The following ZFHX3 variants were observed in gnomAD, a reference collection of about 807,000 sequenced individuals.
ZFHX3 encodes zinc finger homeobox 3, also known as zinc finger homeobox protein 3.
Under a neutral mutation model 279.1 loss-of-function variants are expected in ZFHX3, and 42 were observed. That is an observed-to-expected ratio of 0.15 (90% CI 0.12 to 0.19). The LOEUF (loss-of-function observed/expected upper bound fraction) is 0.19. Ranked by LOEUF, ZFHX3 falls within the 10% of genes least tolerant of loss-of-function variation. The probability of loss-of-function intolerance (pLI) is 1.00; values close to 1 mark genes in which losing one functional copy is unlikely to be tolerated. For missense variants in ZFHX3, 4,981 were observed against 4,754.0 expected (o/e 1.05, Z -1.40); for synonymous variants, 2,293 against 1,957.8 (o/e 1.17, Z -4.52).
At chr16:73,084,302 T>C (rs1965983637) in intron 8 of ZFHX3, among the ~76,000 whole-genome samples, 3 of 152,140 alleles carry the variant, frequency 2.0e-5, no homozygotes, top group Non-Finnish European at 2.9e-5. Context: ...GAAGTCAAAT[T>C]ATTACTGTTT....
chr16:73,478,264 C>CAAAAAAAA lies in ZFHX3; in HGVS notation c.-1546-22014_-1546-22007dup, dbSNP rs1162656010. ...CTGGTGACAGAGCGAGACTCCATCT[C>CAAAAAAAA]AAAAAAAAAAAAAAAAAAAAAGTCA... On this transcript the variant is annotated intron_variant, in intron 2 of 17. Coordinates refer to the ZFHX3 transcript ENST00000641206. Among the ~76,000 whole-genome samples, 110 of 61,576 alleles carry CAAAAAAAA rather than the reference C, an allele frequency of 1.8e-3. 3 individuals carry two copies. The highest frequency in any genetic ancestry group is 6.2e-3 in the African/African-American group (104 of 16,730). The allele number at this position is 61,576 out of a possible 152,430, so 40.4% of individuals were successfully genotyped here.
At chr16:73,544,627 C>T (rs535663791) in intron 2 of ZFHX3, among the ~76,000 whole-genome samples, 1 of 152,184 alleles carries the variant, frequency 6.6e-6, no homozygotes, top group African/African-American at 2.4e-5. Context: ...GGGATGTTGA[C>T]GATCCAGCCA....
chr16:72,860,793 C>A (rs1432503512), intron 4 of ZFHX3, among the ~76,000 whole-genome samples: 1 of 152,200 alleles, frequency 6.6e-6, no homozygotes, highest in Non-Finnish European at 1.5e-5. Context: ...TCACAGAACA[C>A]AACACCTCAG....
chr16:73,473,853 C>G (rs963174971), intron 2 of ZFHX3, among the ~76,000 whole-genome samples: 1 of 152,252 alleles, frequency 6.6e-6, no homozygotes, highest in African/African-American at 2.4e-5. Context: ...TGAATAAAAA[C>G]AAATGTTTCT....
chr16:73,001,222 C>T (rs999858791), intron 1 of ZFHX3, among the ~76,000 whole-genome samples: 30 of 152,204 alleles, frequency 2.0e-4, no homozygotes, highest in Non-Finnish European at 2.6e-4. Context: ...GTGAGACCCA[C>T]ATGGCAAAGA....
In ZFHX3 at chr16:73,364,255, G is replaced by A. The variant is rs116421470; in HGVS notation, c.-1290-45919C>T. The stretch of plus-strand genomic sequence containing the variant: ...CCATAACAAATGCCGTCTCATCCTG[G>A]TACAGGTATTTTCTTGCCTGTGATT... On this transcript the variant is annotated intron_variant, in intron 3 of 17. Coordinates refer to the ZFHX3 transcript ENST00000641206. Among the ~76,000 whole-genome samples, 896 of 151,492 alleles carry A rather than the reference G, an allele frequency of 5.9e-3. 8 individuals carry two copies. The highest frequency in any genetic ancestry group is 0.02 in the African/African-American group (833 of 41,314).
intron 2 of ZFHX3, among the ~76,000 whole-genome samples, chr16:73,470,542 G>A (rs1162797049): frequency 6.6e-6 from 1 of 152,082 alleles, no homozygotes; most frequent in African/African-American, 2.4e-5. Context: ...TAATGTCATC[G>A]AGAAAACAGT....
intron 5 of ZFHX3, among the ~76,000 whole-genome samples, chr16:73,247,128 G>A (rs1356194789): frequency 6.6e-6 from 1 of 151,992 alleles, no homozygotes; most frequent in Non-Finnish European, 1.5e-5. Flanking sequence ...GTGCCTGTAT[G>A]TGGAGTGTGT....
At chr16:72,987,989 T>A (rs933844824) in intron 1 of ZFHX3, among the ~76,000 whole-genome samples, 9 of 152,168 alleles carry the variant, frequency 5.9e-5, no homozygotes, top group Non-Finnish European at 1.2e-4. Context: ...AAAGAAAGTT[T>A]AATATTATAT....
rs1459697609 is a variant in ZFHX3 at position 72,794,222 on chromosome 16, T to A, written c.8460A>T (p.Ser2820=). 6.2e-7 allele frequency: 1 copy of A among 1,614,086 alleles called. No homozygotes were observed. The highest frequency in any genetic ancestry group is 8.5e-7 in the Non-Finnish European group (1 of 1,180,056). The change falls in exon 9 of 10, where the codon TCA becomes TCT. Residue 2820 remains serine, a synonymous_variant. Transcript: ENST00000268489. The surrounding 1 kb of genome is among the most constrained non-coding windows in gnomAD (Gnocchi z 4.2). Reference sequence around the variant, plus strand: ...TAGTTTGGTCAAAGTTTAGATTAACTGAGGACATGGAGGGGCTTTCAAAGT... The same window carrying A: ...TAGTTTGGTCAAAGTTTAGATTAACAGAGGACATGGAGGGGCTTTCAAAGT... ...IEDFESPSMS[S]VNLNFDQTKL... is the part of the protein sequence containing the mutation.
At chr16:73,657,700 T>C (rs1231063141) in intron 2 of ZFHX3, among the ~76,000 whole-genome samples, 1 of 152,164 alleles carries the variant, frequency 6.6e-6, no homozygotes, top group Non-Finnish European at 1.5e-5. Flanking sequence ...TGAAAGCATA[T>C]GACACGTGGT....
intron 3 of ZFHX3, among the ~76,000 whole-genome samples, chr16:73,319,863 C>A (rs2015537797): frequency 6.6e-6 from 1 of 152,176 alleles, no homozygotes; most frequent in South Asian, 2.1e-4. Flanking sequence ...AAGGTCCAGT[C>A]CTCAGACTGG....
intron 7 of ZFHX3, among the ~76,000 whole-genome samples, chr16:72,802,321 T>C (rs1221519527): frequency 6.6e-6 from 1 of 152,162 alleles, no homozygotes; most frequent in African/African-American, 2.4e-5. Flanking sequence ...GTTGTCTCGC[T>C]GCGACTTTAA....
At chr16:73,107,844 G>A (rs548020395) in intron 7 of ZFHX3, among the ~76,000 whole-genome samples, 65 of 152,292 alleles carry the variant, frequency 4.3e-4, no homozygotes, top group South Asian at 1.5e-3. Flanking sequence ...GTGAGACTTC[G>A]TCTCTACAGA....
chr16:73,653,565 A>G (rs1249350331), intron 2 of ZFHX3, among the ~76,000 whole-genome samples: 1 of 152,210 alleles, frequency 6.6e-6, no homozygotes, highest in Non-Finnish European at 1.5e-5. Flanking sequence ...TACATATAAA[A>G]ACTTGTGAGA....
chr16:73,205,152 G>C (rs113191092), intron 5 of ZFHX3, among the ~76,000 whole-genome samples: 1 of 152,062 alleles, frequency 6.6e-6, no homozygotes, highest in African/African-American at 2.4e-5. Flanking sequence ...TTGAGTGAAG[G>C]GCTGAGTCCC....
intron 1 of ZFHX3, among the ~76,000 whole-genome samples, chr16:73,692,576 G>A (rs1199647538): frequency 6.6e-6 from 1 of 152,164 alleles, no homozygotes; most frequent in Non-Finnish European, 1.5e-5. Context: ...TTAACTGCAA[G>A]AATTACTCTT....
chr16:73,634,728 A>G (rs1417310821), intron 2 of ZFHX3, among the ~76,000 whole-genome samples: 1 of 152,136 alleles, frequency 6.6e-6, no homozygotes, highest in Non-Finnish European at 1.5e-5. Context: ...AATAGTTTTT[A>G]GAGGAAGCAA....
chr16:73,334,202 G>A (rs1044360174), intron 3 of ZFHX3, among the ~76,000 whole-genome samples: 50 of 152,248 alleles, frequency 3.3e-4, no homozygotes, highest in Middle Eastern at 6.8e-3. Context: ...AGGGGGCCAC[G>A]GAGGGTCACC....
Sources: gnomAD v4.1 joint callset for allele counts (sites outside exome capture counted in the v4.1 genomes callset) on GRCh38, gnomAD v4.1.1 for gene constraint, Gnocchi (gnomAD v3.1) non-coding constraint, MANE v1.5 for transcripts, NCBI Gene and HGNC (gene_info 2026-07-23, HGNC 2026-07-21) for gene names.